MST1R: variants seen among roughly 807,000 people sequenced by gnomAD.
The protein encoded by MST1R is macrophage-stimulating protein receptor.
A neutral mutation model predicts 117.8 loss-of-function variants in MST1R; 99 were observed. That is an observed-to-expected ratio of 0.84 (90% CI 0.71 to 0.99). MST1R has a LOEUF of 0.99. Among genes scored for constraint, MST1R ranks in the 50% least tolerant of loss-of-function variants. The pLI, the probability that MST1R is intolerant of heterozygous loss-of-function variation, is 0.00. For missense variants in MST1R, 1,683 were observed against 1,840.2 expected, an observed-to-expected ratio of 0.91 and a Z score of 1.56; for synonymous variants, 734 against 765.3, an observed-to-expected ratio of 0.96 and a Z score of 0.68.
chr3:49,903,523 G>T lies in MST1R; in HGVS notation c.87C>A (p.Cys29Ter). ...AKPAAGEDWQ[C>*]PRTPYAASRD... ...GAGAGGCCGCGTAGGGGGTGCGCGG[G>T]CACTGCCAGTCCTCGCCCGCCGCGG... is the stretch of plus-strand genomic sequence containing the variant. The change falls in exon 1 of 20, where the codon TGC becomes TGA. Residue 29 changes from cysteine (C) to a stop codon, truncating the protein, a stop_gained. Transcript: ENST00000296474. LOFTEE classifies it high-confidence loss of function. 1 of 1,606,726 alleles carries T rather than the reference G, an allele frequency of 6.2e-7. No individual in the cohort carries two copies.
Position 49,887,498 on chromosome 3 carries a change from CTAG to C in MST1R, c.4009_4011del (p.Leu1337del), listed in dbSNP as rs1559464159. On this transcript the variant is annotated inframe_deletion, in exon 20 of 20. Coordinates refer to ENST00000296474, the MANE Select transcript of MST1R (RefSeq NM_002447.4). ...GACACTATCTGCTCCACCTCCCCCA[CTAG>C]TACTCTGAAGGTGGGTCGCACTGCT... is the stretch of plus-strand genomic sequence containing the variant. 1.2e-6 allele frequency: 2 copies of C among 1,614,232 alleles called. No individual in the cohort carries two copies. The highest frequency in any genetic ancestry group is 1.7e-6 in the Non-Finnish European group (2 of 1,180,028).
Position 49,896,417 on chromosome 3 carries a change from A to G in MST1R, c.2440-13T>C, listed in dbSNP as rs777489840. ...GCTGCCTCTCACACTGCTGGGACCA[A>G]TATGAGAGTGATTAGCCAGGAACCC... On this transcript the variant is annotated splice_polypyrimidine_tract_variant and intron_variant, in intron 9 of 19. Transcript: ENST00000296474. 4 of 1,609,384 alleles carry G rather than the reference A, an allele frequency of 2.5e-6. No homozygotes were observed. The highest frequency in any genetic ancestry group is 1.7e-6 in the Non-Finnish European group (2 of 1,176,940).
At position 49,899,793 on chromosome 3, in the gene MST1R, C is replaced by T. The variant is rs750270433; in HGVS notation, c.1231-530G>A. On this transcript the variant is annotated intron_variant, in intron 1 of 19. Transcript: ENST00000296474. ...TTCACGATGTTGGCCAGGCTGGTCT[C>T]GAACTCCTGACCTTGTGATTAGTCC... Among the ~76,000 whole-genome samples, 89 of 151,754 alleles carry T rather than the reference C, an allele frequency of 5.9e-4. 1 individual carries two copies. The highest frequency in any genetic ancestry group is 4.4e-4 in the Non-Finnish European group (30 of 67,952).
In MST1R at chr3:49,903,465, A is replaced by G; in HGVS notation, c.145T>C (p.Phe49Leu). 1 of 1,613,250 alleles carries G rather than the reference A, an allele frequency of 6.2e-7. No individual in the cohort carries two copies. Among genetic ancestry groups the G allele is most frequent in the Non-Finnish European group, 8.5e-7 (1 of 1,180,000 alleles). The change falls in exon 1 of 20, where the codon TTC becomes CTC. Residue 49 changes from phenylalanine to leucine, a missense_variant. Physicochemically the swap from Phe to Leu is conservative, Grantham distance 22. Coordinates refer to ENST00000296474, the MANE Select transcript of MST1R (RefSeq NM_002447.4). ...DFDVKYVVPS[F>L]SAGGLVQAMV... The stretch of plus-strand genomic sequence containing the variant: ...GCCTGTACCAGGCCTCCGGCGGAGA[A>G]GCTGGGCACCACGTACTTCACGTCA...
In MST1R at chr3:49,891,834, G is replaced by C; in HGVS notation, c.3276C>G (p.His1092Gln). 6.2e-7 allele frequency: 1 copy of C among 1,614,184 alleles called. No homozygotes were observed. Among genetic ancestry groups the C allele is most frequent in the Non-Finnish European group, 8.5e-7 (1 of 1,180,016 alleles). ...ATTCTCCGTGGTAGACAACTCCAAA[G>C]TGGCCTGGTGTGAGGTGCATAATGA... ...THSDRVIGKG[H>Q]FGVVYHGEYI... Residue 1092 changes from histidine (H) to glutamine (Q), a missense_variant, in exon 15 of 20, where the codon CAC becomes CAG. His to Gln is a conservative substitution (Grantham distance 24). Coordinates refer to ENST00000296474, the MANE Select transcript of MST1R (RefSeq NM_002447.4).
In MST1R at chr3:49,903,695, T is replaced by C; in HGVS notation, c.-86A>G. ...CTGGCTGGGGGCCCGACTCGAGGTCTGGACTGGGCCAAATTTAAGCAGCGG... is the reference window on the plus strand; with the variant it reads ...CTGGCTGGGGGCCCGACTCGAGGTCCGGACTGGGCCAAATTTAAGCAGCGG... On this transcript the variant is annotated 5_prime_UTR_variant, in exon 1 of 20. Transcript: ENST00000296474. 1 of 1,487,688 alleles carries C rather than the reference T, an allele frequency of 6.7e-7. No homozygotes were observed. The highest frequency in any genetic ancestry group is 1.4e-5 in the South Asian group (1 of 73,934). The allele number at this position is 1,487,688 out of a possible 1,614,324, so 92.2% of individuals were successfully genotyped here.
chr3:49,893,010 G>A (rs879625714), intron 14 of MST1R, among the ~76,000 whole-genome samples: 15 of 152,132 alleles, frequency 9.9e-5, no homozygotes, highest in Admixed American at 9.8e-4. Context: ...CGGGTGCGAT[G>A]GCTCACGCCT....
rs1375709187 is a variant in MST1R at position 49,902,947 on chromosome 3, G to A, written c.663C>T (p.Leu221=). Residue 221 remains leucine, a synonymous_variant, in exon 1 of 20, where the codon CTC becomes CTT. Transcript: ENST00000296474. ...FSPRSVSIRR[L]KADASGFAPG... ...GTGCGAATCCCGAGGCGTCAGCCTTGAGACGCCTGATAGACACTGAGCGTG... is the reference window on the plus strand; with the variant it reads ...GTGCGAATCCCGAGGCGTCAGCCTTAAGACGCCTGATAGACACTGAGCGTG... The A allele has an allele frequency of 6.2e-7, 1 of 1,613,344 alleles. No individual in the cohort carries two copies. The highest frequency in any genetic ancestry group is 1.3e-5 in the African/African-American group (1 of 75,076).
At position 49,890,025 on chromosome 3, in the gene MST1R, T is replaced by C. The variant is rs1575422405; in HGVS notation, c.3846A>G (p.Thr1282=). The C allele has an allele frequency of 6.2e-7, 1 of 1,612,580 alleles. No homozygotes were observed. The highest frequency in any genetic ancestry group is 8.5e-7 in the Non-Finnish European group (1 of 1,179,224). ...SFGVLLWELL[T]RGAPPYRHID... is the part of the protein sequence containing the mutation. ...TGTGGCGGTATGGTGGGGCACCCCGTGTCAGCAGTTCCCACAGCAGCACAC... is the reference window on the plus strand; with the variant it reads ...TGTGGCGGTATGGTGGGGCACCCCGCGTCAGCAGTTCCCACAGCAGCACAC... Residue 1282 remains threonine (T), a synonymous_variant, in exon 19 of 20, where the codon ACA becomes ACG. Transcript: ENST00000296474.
chr3:49,891,868 G>C lies in MST1R; in HGVS notation c.3272-30C>G, dbSNP rs1340411839. On this transcript the variant is annotated intron_variant, in intron 14 of 19. Coordinates refer to ENST00000296474, the MANE Select transcript of MST1R (RefSeq NM_002447.4). The stretch of plus-strand genomic sequence containing the variant: ...TGTGAGGTGCATAATGAGTCGATGA[G>C]AGGGGATCCAGGGCCCAAGGCTCAC... 4 of 1,605,272 alleles carry C rather than the reference G, an allele frequency of 2.5e-6. No homozygotes were observed. In the South Asian group the frequency reaches 4.4e-5, roughly 18 times the overall value.
Position 49,891,806 on chromosome 3 carries a change from T to C in MST1R, c.3304A>G (p.Ile1102Val). The change falls in exon 15 of 20, where the codon ATA becomes GTA. Residue 1102 changes from isoleucine to valine, a missense_variant. Ile to Val is a conservative substitution (Grantham distance 29). Coordinates refer to ENST00000296474, the MANE Select transcript of MST1R (RefSeq NM_002447.4). ...HFGVVYHGEY[I>V]DQAQNRIQCA... ...TGGATTCGATTCTGGGCCTGGTCTA[T>C]GTATTCTCCGTGGTAGACAACTCCA... 2 of 1,614,094 alleles carry C rather than the reference T, an allele frequency of 1.2e-6. No homozygotes were observed. Among genetic ancestry groups the C allele is most frequent in the Admixed American group, 1.7e-5 (1 of 60,006 alleles).
chr3:49,898,852 C>T lies in MST1R; in HGVS notation c.1548+15G>A. 1 of 1,613,910 alleles carries T rather than the reference C, an allele frequency of 6.2e-7. No individual in the cohort carries two copies. Among genetic ancestry groups the T allele is most frequent in the Non-Finnish European group, 8.5e-7 (1 of 1,179,990 alleles). Reference sequence around the variant, plus strand: ...CCACAACCCTGGCCCCAGGCCCTGCCCCTGCCCACCTCACCTGGTCCCCAG... The same window carrying T: ...CCACAACCCTGGCCCCAGGCCCTGCTCCTGCCCACCTCACCTGGTCCCCAG... On this transcript the variant is annotated intron_variant, in intron 3 of 19. Coordinates refer to ENST00000296474, the MANE Select transcript of MST1R (RefSeq NM_002447.4).
intron 14 of MST1R, among the ~76,000 whole-genome samples, chr3:49,893,984 C>T (rs564892467): frequency 8.0e-5 from 12 of 150,536 alleles, no homozygotes; most frequent in Admixed American, 6.0e-4. Context: ...GAGGCTGAGG[C>T]GGGCGGATCA....
chr3:49,890,079 G>A lies in MST1R; in HGVS notation c.3811-19C>T. On this transcript the variant is annotated intron_variant, in intron 18 of 19. Transcript: ENST00000296474. ...ATGACCACTGTGGAAAGGGGGAGGT[G>A]AGGGGACTCAACTCACCCCAAATTT... 6.3e-7 allele frequency: 1 copy of A among 1,579,336 alleles called. No individual in the cohort carries two copies.
chr3:49,887,334 T>C lies in MST1R; in HGVS notation c.4176A>G (p.Pro1392=). ...AAGTGGGCCGAGGAGGCTCTGAGAG[T>C]GGCCGGGGCCGGCGTACATTCCCTG... ...PMPGNVRRPR[P]LSEPPRPT is the part of the protein sequence containing the mutation. Residue 1392 remains proline, a synonymous_variant, in exon 20 of 20, where the codon CCA becomes CCG. Coordinates refer to ENST00000296474, the MANE Select transcript of MST1R (RefSeq NM_002447.4). The C allele has an allele frequency of 1.9e-6, 3 of 1,614,138 alleles. No individual in the cohort carries two copies. Among genetic ancestry groups the C allele is most frequent in the Non-Finnish European group, 2.5e-6 (3 of 1,180,040 alleles).
chr3:49,902,665 T>C lies in MST1R; in HGVS notation c.945A>G (p.Gly315=), dbSNP rs1440134900. Residue 315 remains glycine, a synonymous_variant, in exon 1 of 20, where the codon GGA becomes GGG. Coordinates refer to ENST00000296474, the MANE Select transcript of MST1R (RefSeq NM_002447.4). Reference sequence around the variant, plus strand: ...CCACCCGCAGCACAGGGTAGGGCTGTCCGCCTTCTGGGGCCCCCCGGCGCC... The same window carrying C: ...CCACCCGCAGCACAGGGTAGGGCTGCCCGCCTTCTGGGGCCCCCCGGCGCC... The part of the protein sequence containing the change: ...KRRRRGAPEG[G]QPYPVLRVAH... 1 of 1,613,272 alleles carries C rather than the reference T, an allele frequency of 6.2e-7. No homozygotes were observed. The highest frequency in any genetic ancestry group is 1.7e-5 in the Admixed American group (1 of 60,004).
At chr3:49,892,554 C>T (rs999337871) in intron 14 of MST1R, among the ~76,000 whole-genome samples, 17 of 151,608 alleles carry the variant, frequency 1.1e-4, no homozygotes, top group Admixed American at 3.3e-4. Context: ...AGAAGCCAAG[C>T]GCAGTGCGCC....
intron 14 of MST1R, among the ~76,000 whole-genome samples, chr3:49,893,799 T>C (rs2108414190): frequency 6.7e-6 from 1 of 149,484 alleles, no homozygotes; most frequent in African/African-American, 2.5e-5. Flanking sequence ...CTTGGGAGGC[T>C]GAGGCAGGAG....
chr3:49,893,030 G>A (rs1369502684), intron 14 of MST1R, among the ~76,000 whole-genome samples: 3 of 151,870 alleles, frequency 2.0e-5, no homozygotes, highest in South Asian at 4.1e-4. Flanking sequence ...TGTAATCCCA[G>A]CACTTCGGGA....
Sources: gnomAD v4.1 joint callset for allele counts (sites outside exome capture counted in the v4.1 genomes callset) on GRCh38, gnomAD v4.1.1 for gene constraint, MANE v1.5 for transcripts, NCBI Gene and HGNC (gene_info 2026-07-23, HGNC 2026-07-21) for gene names.